Variants in CNOT1 observed in about 807,000 individuals in gnomAD.
CNOT1 encodes CCR4-NOT transcription complex subunit 1.
In CNOT1, 15 loss-of-function variants were observed where a neutral mutation model predicts 273.8. That is an observed-to-expected ratio of 0.05 (90% CI 0.04 to 0.08). CNOT1 has a LOEUF of 0.08. CNOT1 is among the 10% of genes least tolerant of loss of function. The pLI is 1.00. For missense variants in CNOT1, 1,644 were observed against 2,912.2 expected, an observed-to-expected ratio of 0.56 and a Z score of 10.02; for synonymous variants, 1,022 against 1,005.5, an observed-to-expected ratio of 1.02 and a Z score of -0.31.
chr16:58,627,837 G>C (rs2043648938), intron 1 of CNOT1, among the ~76,000 whole-genome samples: 1 of 152,046 alleles, frequency 6.6e-6, no homozygotes, highest in Non-Finnish European at 1.5e-5. Flanking sequence ...CTTCATTCTA[G>C]ACTTTTTTTT....
In CNOT1 at chr16:58,614,989, T is replaced by A. The variant is rs945443393; in HGVS notation, c.-175+14739A>T. ...TCCTGACGTGCTGGGATTACAGGCA[T>A]CAGCCACAGCACTGGGCCTGTATCC... On this transcript the variant is annotated intron_variant, in intron 1 of 48. Transcript: ENST00000317147. Among the ~76,000 whole-genome samples, 4 of 117,788 alleles carry A rather than the reference T, an allele frequency of 3.4e-5. 1 individual carries two copies. Among genetic ancestry groups the A allele is most frequent in the Non-Finnish European group, 7.9e-5 (4 of 50,316 alleles). The allele number at this position is 117,788 out of a possible 152,430, so 77.3% of individuals were successfully genotyped here. A position where few individuals can be genotyped will look rare whatever the true frequency, so the allele number is the denominator to read the frequency against.
At chr16:58,591,872 T>C (rs1380834521) in intron 2 of CNOT1, among the ~76,000 whole-genome samples, 1 of 151,426 alleles carries the variant, frequency 6.6e-6, no homozygotes, top group African/African-American at 2.4e-5. Context: ...GTGCCTACCA[T>C]TCCATATGAT....
At position 58,520,618 on chromosome 16, in the gene CNOT1, C is replaced by A; in HGVS notation, c.*340G>T. 7.3e-6 allele frequency: 2 copies of A among 272,302 alleles called. No homozygotes were observed. The highest frequency in any genetic ancestry group is 6.4e-5 in the South Asian group (1 of 15,620). The allele number at this position is 272,302 out of a possible 1,614,324, so 16.9% of individuals were successfully genotyped here. ...CAGACAAGTGCATGGCATCAGCTGC[C>A]TCTTCATTACAAGGTACCAGTTTAT... is the stretch of plus-strand genomic sequence containing the variant. On this transcript the variant is annotated 3_prime_UTR_variant, in exon 49 of 49. Coordinates refer to ENST00000317147, the MANE Select transcript of CNOT1 (RefSeq NM_016284.5).
intron 44 of CNOT1, 88 bp downstream of exon 44, chr16:58,528,386 TG>T (rs1224067872): frequency 2.3e-6 from 2 of 882,400 alleles, no homozygotes; most frequent in South Asian, 2.8e-5. Context: ...CGTGTTATGT[TG>T]GGTAGGAAAG....
Position 58,543,645 on chromosome 16 carries a change from A to C in CNOT1, c.4396T>G (p.Ser1466Ala). 6.2e-7 allele frequency: 1 copy of C among 1,614,206 alleles called. No homozygotes were observed. The highest frequency in any genetic ancestry group is 1.3e-5 in the African/African-American group (1 of 75,062). Residue 1466 changes from serine to alanine, a missense_variant, in exon 31 of 49, where the codon TCT becomes GCT. This residue lies in a region of CNOT1 where 133 missense variants were observed against 230.4 expected (regional missense o/e 0.58). Transcript: ENST00000317147. ...TCREPLLMSI[S>A]TNLKNSFASA... Reference sequence around the variant, plus strand: ...GCAAAACTGTTTTTTAAGTTGGTAGATATGCTCATGAGCAAAGGTTCCCTG... The same window carrying C: ...GCAAAACTGTTTTTTAAGTTGGTAGCTATGCTCATGAGCAAAGGTTCCCTG...
Position 58,541,503 on chromosome 16 carries a change from T to G in CNOT1, c.4798A>C (p.Lys1600Gln). Residue 1600 changes from lysine (K) to glutamine (Q), a missense_variant and splice_region_variant, in exon 34 of 49, where the codon AAG (lysine) becomes CAG (glutamine). Around this residue, in one of 13 missense-constraint regions of CNOT1, gnomAD observed 170 missense variants for 273.1 expected, o/e 0.62. Transcript: ENST00000317147. ...QPTGFLAQPM[K>Q]QAWATDDVAQ... ...AATTTAATCTAAAACACATTTACCTTCATGGGCTGGGCTAAAAATCCCGTG... is the reference window on the plus strand; with the variant it reads ...AATTTAATCTAAAACACATTTACCTGCATGGGCTGGGCTAAAAATCCCGTG... 1 of 1,613,588 alleles carries G rather than the reference T, an allele frequency of 6.2e-7. No individual in the cohort carries two copies. The highest frequency in any genetic ancestry group is 8.5e-7 in the Non-Finnish European group (1 of 1,179,674).
intron 46 of CNOT1, among the ~76,000 whole-genome samples, chr16:58,524,384 T>G (rs1383238372): frequency 6.6e-6 from 1 of 152,096 alleles, no homozygotes; most frequent in African/African-American, 2.4e-5. Context: ...GGTTTGGTTG[T>G]TTGCCTCTGC....
chr16:58,625,292 CA>C (rs1398124619), intron 1 of CNOT1, among the ~76,000 whole-genome samples: 1 of 152,056 alleles, frequency 6.6e-6, no homozygotes, highest in African/African-American at 2.4e-5. Context: ...GCAGGTGGAT[CA>C]CCTGAGGTCA....
Position 58,523,405 on chromosome 16 carries a change from C to T in CNOT1, c.6882G>A (p.Glu2294=), listed in dbSNP as rs576713015. The change falls in exon 47 of 49, where the codon GAG becomes GAA. Residue 2294 remains glutamate, a synonymous_variant. Transcript: ENST00000317147. ...FSCTMLYLFA[E]ANTEAIQEQI... is the part of the protein sequence containing the mutation. ...GTTCTTGGATGGCTTCCGTATTGGC[C>T]TCTGCAAAAAGGTACAGCATGGTGC... 7 of 1,613,614 alleles carry T rather than the reference C, an allele frequency of 4.3e-6. No individual in the cohort carries two copies. The highest frequency in any genetic ancestry group is 5.9e-6 in the Non-Finnish European group (7 of 1,179,786).
Position 58,614,460 on chromosome 16 carries a change from G to A in CNOT1, c.-174-14949C>T, listed in dbSNP as rs999856437. Among the ~76,000 whole-genome samples the A allele has an allele frequency of 6.4e-5, 8 of 125,372 alleles. 1 individual carries two copies. Among genetic ancestry groups the A allele is most frequent in the Non-Finnish European group, 1.3e-4 (7 of 52,546 alleles). 82.2% of individuals were successfully genotyped at this position (125,372 alleles called of 152,430 possible). ...AAATTTTAATATGTGGTAGGCAGAGGGTGCCTACAGGAACAGGCCCCACCA... is the reference window on the plus strand; with the variant it reads ...AAATTTTAATATGTGGTAGGCAGAGAGTGCCTACAGGAACAGGCCCCACCA... On this transcript the variant is annotated intron_variant, in intron 1 of 48. Coordinates refer to ENST00000317147, the MANE Select transcript of CNOT1 (RefSeq NM_016284.5).
In CNOT1 at chr16:58,528,469, C is replaced by T; in HGVS notation, c.6453+6G>A. The T allele has an allele frequency of 6.2e-7, 1 of 1,607,416 alleles. No homozygotes were observed. The highest frequency in any genetic ancestry group is 8.5e-7 in the Non-Finnish European group (1 of 1,175,188). On this transcript the variant is annotated splice_donor_region_variant and intron_variant, in intron 44 of 48. Coordinates refer to ENST00000317147, the MANE Select transcript of CNOT1 (RefSeq NM_016284.5). Reference sequence around the variant, plus strand: ...TAAGTTTTCCTTTAACTAGTTGGAACCTTACCTTTAGATTAGGAGTGAATG... The same window carrying T: ...TAAGTTTTCCTTTAACTAGTTGGAATCTTACCTTTAGATTAGGAGTGAATG...
intron 28 of CNOT1, 37 bp downstream of exon 28, chr16:58,546,635 A>T (rs769491483): frequency 1.9e-6 from 3 of 1,613,656 alleles, no homozygotes; most frequent in Non-Finnish European, 2.5e-6. Context: ...ATGTGAAGGC[A>T]AAGAATGTTC....
intron 8 of CNOT1, among the ~76,000 whole-genome samples, chr16:58,583,727 TG>T (rs1268502679): frequency 1.3e-5 from 2 of 152,012 alleles, no homozygotes. Context: ...TTAGTGGAGA[TG>T]GGGTTTCACC....
At chr16:58,598,505 G>C (rs1439810460) in intron 2 of CNOT1, among the ~76,000 whole-genome samples, 1 of 151,714 alleles carries the variant, frequency 6.6e-6, no homozygotes, top group East Asian at 1.9e-4. Context: ...GGACAAGGAG[G>C]TTGCAGTGAG....
rs71739184 is a variant in CNOT1, at chr16:58,560,436, ATT to A, written c.1980-76_1980-75del. The stretch of plus-strand genomic sequence containing the variant: ...ACATGTAAGTAAACCAACCGATCTG[ATT>A]TTTTTTTTTTTTAAGATGGAGTCTC... On this transcript the variant is annotated intron_variant, in intron 16 of 48. Transcript: ENST00000317147. The A allele has an allele frequency of 0.079, 86,843 of 1,102,666 alleles. 331 individuals carry two copies. The highest frequency in any genetic ancestry group is 0.15 in the African/African-American group (9,417 of 61,640). The allele number at this position is 1,102,666 out of a possible 1,614,324, so 68.3% of individuals were successfully genotyped here. A position where few individuals can be genotyped will look rare whatever the true frequency, so the allele number is the denominator to read the frequency against.
chr16:58,554,723 G>C (rs930438731), intron 21 of CNOT1, among the ~76,000 whole-genome samples: 1 of 151,976 alleles, frequency 6.6e-6, no homozygotes, highest in Non-Finnish European at 1.5e-5. Context: ...ATCACCCGAG[G>C]TCAGGAGTTC....
intron 1 of CNOT1, among the ~76,000 whole-genome samples, chr16:58,614,694 T>G (rs566067553): frequency 1.6e-5 from 2 of 125,458 alleles, no homozygotes; most frequent in African/African-American, 2.7e-5. Flanking sequence ...TACTTTGCTA[T>G]AGAAAAACAC....
intron 21 of CNOT1, among the ~76,000 whole-genome samples, chr16:58,554,935 CAAAAA>C (rs56180546): frequency 2.5e-5 from 2 of 78,910 alleles, no homozygotes; most frequent in Non-Finnish European, 4.8e-5. Context: ...GACTCCATCT[CAAAAA>C]AAAAAAAAAA....
chr16:58,533,075 A>G (rs2039818947), intron 40 of CNOT1: 1 of 152,478 alleles, frequency 6.6e-6, no homozygotes, highest in African/African-American at 2.4e-5. Flanking sequence ...CATACTACCA[A>G]GCATTAACAT....
Sources: allele counts gnomAD v4.1 joint callset (sites outside exome capture counted in the v4.1 genomes callset), GRCh38; gene constraint gnomAD v4.1.1; regional missense constraint gnomAD v4.1.1; transcripts MANE v1.5; gene names NCBI Gene and HGNC (gene_info 2026-07-23, HGNC 2026-07-21).